Variants in MAD1L1 observed in about 807,000 individuals in gnomAD.
MAD1L1 encodes mitotic spindle assembly checkpoint protein MAD1.
A neutral mutation model predicts 96.9 loss-of-function variants in MAD1L1; 95 were observed. That is an observed-to-expected ratio of 0.98 (90% CI 0.83 to 1.16). The LOEUF (loss-of-function observed/expected upper bound fraction) is 1.16. Among genes scored for constraint, MAD1L1 ranks in the 50% most tolerant of loss-of-function variants. The pLI is 0.00. For missense variants in MAD1L1, 1,007 were observed against 954.4 expected (o/e 1.06, Z -0.73); for synonymous variants, 473 against 396.6 (o/e 1.19, Z -2.29).
chr7:2,167,467 T>G (rs1206707057), intron 10 of MAD1L1, among the ~76,000 whole-genome samples: 3 of 151,980 alleles, frequency 2.0e-5, no homozygotes, highest in Non-Finnish European at 4.4e-5. Flanking sequence ...GAGAATGGCG[T>G]GAACCCGGGA....
At chr7:2,226,561 G>A (rs1345492218) in intron 3 of MAD1L1, among the ~76,000 whole-genome samples, 2 of 152,218 alleles carry the variant, frequency 1.3e-5, no homozygotes, top group Non-Finnish European at 2.9e-5. Flanking sequence ...GCCGGCCTTT[G>A]GGTACGACCT....
At chr7:2,059,466 TGGGGCTGG>T (rs1784538082) in intron 12 of MAD1L1, among the ~76,000 whole-genome samples, 1 of 109,536 alleles carries the variant, frequency 9.1e-6, no homozygotes, top group African/African-American at 3.6e-5. Flanking sequence ...AGAAGAGGCG[TGGGGCTGG>T]AGAGGGATTG....
At chr7:1,838,663 G>T (rs1227712327) in intron 18 of MAD1L1, 6 of 407,240 alleles carry the variant, frequency 1.5e-5, no homozygotes, top group Admixed American at 1.0e-4. Flanking sequence ...GCTGCCGACG[G>T]CTGGGACTGG....
chr7:2,122,221 A>G (rs1044879113), intron 11 of MAD1L1, among the ~76,000 whole-genome samples: 23 of 152,218 alleles, frequency 1.5e-4, no homozygotes, highest in Non-Finnish European at 2.5e-4. Flanking sequence ...CGGGGGCTGG[A>G]GAAATGCTCA....
chr7:2,123,435 G>A (rs1053383018), intron 11 of MAD1L1, among the ~76,000 whole-genome samples: 1 of 152,226 alleles, frequency 6.6e-6, no homozygotes, highest in Admixed American at 6.5e-5. Context: ...AGGACGGAGA[G>A]AGGGCGCTGG....
rs545590089 is a variant in MAD1L1, at chr7:2,026,496, CT to C, written c.1219-11855del. Among the ~76,000 whole-genome samples the C allele has an allele frequency of 3.5e-4, 53 of 152,304 alleles. 1 individual carries two copies. In the East Asian group the frequency reaches 8.9e-3, roughly 25 times the overall value. On this transcript the variant is annotated intron_variant, in intron 12 of 18. Transcript: ENST00000265854. ...GCACTCAACAATTGCAGAATACATA[CT>C]ATTTTCAAGTGTGTATGGGCCATTT...
At chr7:2,201,406 C>A (rs1369171199) in intron 10 of MAD1L1, among the ~76,000 whole-genome samples, 1 of 152,106 alleles carries the variant, frequency 6.6e-6, no homozygotes, top group African/African-American at 2.4e-5. Flanking sequence ...GACGTGGACA[C>A]CCTGGGAGCC....
At chr7:2,085,406 T>C (rs1785864860) in intron 11 of MAD1L1, among the ~76,000 whole-genome samples, 1 of 152,178 alleles carries the variant, frequency 6.6e-6, no homozygotes, top group African/African-American at 2.4e-5. Context: ...CATGTAGCTG[T>C]CCCTGCCTGC....
intron 10 of MAD1L1, among the ~76,000 whole-genome samples, chr7:2,191,209 C>T (rs146078433): frequency 2.8e-4 from 42 of 152,222 alleles, no homozygotes; most frequent in Non-Finnish European, 3.4e-4. Flanking sequence ...TAATTCCAGA[C>T]GAAACAAAAC....
At chr7:2,046,885 C>T (rs537939583) in intron 12 of MAD1L1, among the ~76,000 whole-genome samples, 4 of 152,322 alleles carry the variant, frequency 2.6e-5, no homozygotes, top group East Asian at 1.9e-4. Flanking sequence ...GCACAGTGCC[C>T]GGCCCCCTGT....
chr7:2,105,133 G>A (rs1013606674), intron 11 of MAD1L1, among the ~76,000 whole-genome samples: 1 of 152,134 alleles, frequency 6.6e-6, no homozygotes, highest in Non-Finnish European at 1.5e-5. Context: ...TCTGCAGCCC[G>A]GGAGAGCCTC....
intron 10 of MAD1L1, among the ~76,000 whole-genome samples, chr7:2,161,504 T>A (rs1056612041): frequency 2.0e-5 from 3 of 152,116 alleles, no homozygotes; most frequent in Admixed American, 1.3e-4. Flanking sequence ...GTGCCGAGAT[T>A]GCAGCCTCTG....
intron 17 of MAD1L1, among the ~76,000 whole-genome samples, chr7:1,917,195 G>C (rs1788462517): frequency 1.3e-5 from 2 of 152,202 alleles, no homozygotes; most frequent in African/African-American, 4.8e-5. Context: ...TGTGGGCTTG[G>C]CGCTGGGGTC....
chr7:1,953,380 C>A (rs1779585697), intron 16 of MAD1L1, among the ~76,000 whole-genome samples: 1 of 152,208 alleles, frequency 6.6e-6, no homozygotes, highest in Non-Finnish European at 1.5e-5. Context: ...CGGCCACAAA[C>A]CCCACCCAGG....
chr7:2,133,754 CCT>C (rs757077785), intron 11 of MAD1L1, among the ~76,000 whole-genome samples: 2 of 152,204 alleles, frequency 1.3e-5, no homozygotes, highest in Non-Finnish European at 2.9e-5. Context: ...AGATTTTTCC[CCT>C]GTGGCTGTTC....
At chr7:1,980,129 C>T (rs751019378) in intron 15 of MAD1L1, among the ~76,000 whole-genome samples, 4 of 152,246 alleles carry the variant, frequency 2.6e-5, no homozygotes, top group South Asian at 4.2e-4. Context: ...AGGAGGCTGC[C>T]GGTGGACGTG....
intron 18 of MAD1L1, among the ~76,000 whole-genome samples, chr7:1,859,378 C>A (rs1784410676): frequency 6.6e-6 from 1 of 152,238 alleles, no homozygotes; most frequent in Non-Finnish European, 1.5e-5. Flanking sequence ...GATTCCAACT[C>A]ATTCTGCACA....
intron 18 of MAD1L1, among the ~76,000 whole-genome samples, chr7:1,842,736 G>A (rs1783343799): frequency 6.6e-6 from 1 of 152,230 alleles, no homozygotes; most frequent in African/African-American, 2.4e-5. Flanking sequence ...CTGGGCCCCT[G>A]CAAGGCAGCC....
intron 12 of MAD1L1, 97 bp downstream of exon 12, chr7:2,069,097 G>A (rs917483788): frequency 5.6e-6 from 8 of 1,418,878 alleles, no homozygotes; most frequent in African/African-American, 1.5e-5. Context: ...TGACCCGGCT[G>A]CAGCACTCCT....
Sources: gnomAD v4.1 joint callset for allele counts (sites outside exome capture counted in the v4.1 genomes callset) on GRCh38, gnomAD v4.1.1 for gene constraint, MANE v1.5 for transcripts, NCBI Gene and HGNC (gene_info 2026-07-23, HGNC 2026-07-21) for gene names.